The following BBS9 variants were observed in gnomAD, a reference collection of about 807,000 sequenced individuals.
BBS9 encodes protein PTHB1.
Under a neutral mutation model 117.7 loss-of-function variants are expected in BBS9, and 89 were observed. The ratio of observed to expected loss-of-function variants is 0.76; its 90% confidence interval spans 0.64 to 0.90. BBS9 has a LOEUF of 0.90. Among genes scored for constraint, BBS9 ranks in the 40% least tolerant of loss-of-function variants. BBS9 has a pLI of 0.00. For synonymous variants in BBS9, 379 were observed against 370.9 expected, an observed-to-expected ratio of 1.02 and a Z score of -0.25; for missense variants, 982 against 1,042.2, an observed-to-expected ratio of 0.94 and a Z score of 0.80.
chr7:33,367,381 C>CT (rs1184426606), intron 16 of BBS9, among the ~76,000 whole-genome samples: 16 of 152,084 alleles, frequency 1.1e-4, no homozygotes, highest in Non-Finnish European at 1.9e-4. Flanking sequence ...CTTTGATACT[C>CT]TAATATTTTT....
At chr7:33,577,382 C>T (rs1444243386) in intron 21 of BBS9, among the ~76,000 whole-genome samples, 4 of 152,044 alleles carry the variant, frequency 2.6e-5, no homozygotes, top group Admixed American at 1.3e-4. Flanking sequence ...GAATGGCGAT[C>T]GTTAAAAAGT....
chr7:33,632,234 T>C (rs925368161), intron 21 of BBS9, among the ~76,000 whole-genome samples: 3 of 152,198 alleles, frequency 2.0e-5, no homozygotes, highest in Non-Finnish European at 4.4e-5. Context: ...TGGACAATCA[T>C]AAACCCTTTT....
chr7:33,596,737 G>A (rs1203817337), intron 21 of BBS9, among the ~76,000 whole-genome samples: 1 of 152,050 alleles, frequency 6.6e-6, no homozygotes, highest in African/African-American at 2.4e-5. Context: ...CACCTCTAAT[G>A]TCTTGTGTAG....
chr7:33,414,508 C>G (rs953668842), intron 19 of BBS9, among the ~76,000 whole-genome samples: 6 of 152,110 alleles, frequency 3.9e-5, no homozygotes, highest in African/African-American at 1.2e-4. Flanking sequence ...TCTCCTGTCT[C>G]TTTGTGTGTA....
chr7:33,294,383 A>C (rs940217080), intron 9 of BBS9, among the ~76,000 whole-genome samples: 1 of 151,488 alleles, frequency 6.6e-6, no homozygotes, highest in African/African-American at 2.4e-5. Context: ...CCATCCATCC[A>C]TCCATCCATC....
At chr7:33,419,084 C>A (rs1447815923) in intron 19 of BBS9, among the ~76,000 whole-genome samples, 1 of 149,590 alleles carries the variant, frequency 6.7e-6, no homozygotes, top group African/African-American at 2.5e-5. Flanking sequence ...TTTTTTTTTT[C>A]ATGTGAATTG....
At chr7:33,353,526 G>T (rs1362690497) in intron 15 of BBS9, among the ~76,000 whole-genome samples, 1 of 151,968 alleles carries the variant, frequency 6.6e-6, no homozygotes, top group Non-Finnish European at 1.5e-5. Context: ...TTGAGGGCAG[G>T]GGTCAAGCAC....
chr7:33,595,463 T>A (rs1352662600), intron 21 of BBS9, among the ~76,000 whole-genome samples: 4 of 152,110 alleles, frequency 2.6e-5, no homozygotes, highest in Non-Finnish European at 4.4e-5. Flanking sequence ...ATTAGAGGAA[T>A]GCAAATCAAA....
At chr7:33,351,194 T>C (rs745755186) in intron 13 of BBS9, 25 bp from the exon 14 acceptor site, 1 of 1,480,682 alleles carries the variant, frequency 6.8e-7, no homozygotes, top group Non-Finnish European at 9.4e-7. Context: ...TTATGTAATT[T>C]ATATTATTTT....
At chr7:33,217,589 A>G (rs1789325977) in intron 5 of BBS9, among the ~76,000 whole-genome samples, 1 of 152,266 alleles carries the variant, frequency 6.6e-6, no homozygotes, top group African/African-American at 2.4e-5. Flanking sequence ...ATATTTTGAT[A>G]CAGAATAATG....
intron 21 of BBS9, among the ~76,000 whole-genome samples, chr7:33,590,881 A>C (rs1861803479): frequency 6.6e-6 from 1 of 152,054 alleles, no homozygotes; most frequent in Non-Finnish European, 1.5e-5. Flanking sequence ...ACTAATAATC[A>C]TGGAGCTGGG....
In BBS9 at chr7:33,303,840, G is replaced by C. The variant is rs550636730; in HGVS notation, c.1016+29884G>C. On this transcript the variant is annotated intron_variant, in intron 9 of 22. Transcript: ENST00000242067. Reference sequence around the variant, plus strand: ...GTGGCCCAGGCTGGAGTGCAGTGGCGTGATCTCGGCTCGCTACAAGGTCCA... The same window carrying C: ...GTGGCCCAGGCTGGAGTGCAGTGGCCTGATCTCGGCTCGCTACAAGGTCCA... Among the ~76,000 whole-genome samples, 7 of 152,218 alleles carry C rather than the reference G, an allele frequency of 4.6e-5. No individual in the cohort carries two copies. In the East Asian group the frequency reaches 1.4e-3, roughly 30 times the overall value.
intron 12 of BBS9, among the ~76,000 whole-genome samples, chr7:33,347,299 T>C (rs1157786012): frequency 1.3e-5 from 2 of 152,058 alleles, no homozygotes; most frequent in African/African-American, 4.8e-5. Context: ...TACAGACTAG[T>C]ATTATATTAT....
At chr7:33,465,810 A>T (rs536720034) in intron 19 of BBS9, among the ~76,000 whole-genome samples, 1 of 152,260 alleles carries the variant, frequency 6.6e-6, no homozygotes, top group South Asian at 2.1e-4. Context: ...TGCTATCACT[A>T]TATATTATTA....
rs569707726 is a variant in BBS9, at chr7:33,564,374, G to C, written c.2521+30198G>C. ...TTCAGGGGCATTATATATGGAGACA[G>C]GCTGACCTGGATTTGTATTCTAGCC... On this transcript the variant is annotated intron_variant, in intron 21 of 22. Coordinates refer to ENST00000242067, the MANE Select transcript of BBS9 (RefSeq NM_198428.3). 2.6e-5 allele frequency among the ~76,000 whole-genome samples: 4 copies of C among 152,266 alleles called. No individual in the cohort carries two copies. The East Asian group carries it at 5.8e-4, about 22-fold the overall frequency.
chr7:33,495,909 A>G (rs1020123625), intron 19 of BBS9, among the ~76,000 whole-genome samples: 1 of 152,158 alleles, frequency 6.6e-6, no homozygotes, highest in Non-Finnish European at 1.5e-5. Flanking sequence ...TCATACTTAT[A>G]TATATTATAA....
At chr7:33,393,396 G>A (rs979688255) in intron 19 of BBS9, among the ~76,000 whole-genome samples, 53 of 152,198 alleles carry the variant, frequency 3.5e-4, no homozygotes, top group Admixed American at 3.4e-3. Flanking sequence ...GTCACACAGA[G>A]CCCTGTTTTT....
rs1302006741 is a variant in BBS9 at position 33,130,049 on chromosome 7, G to T, written c.-12+8G>T. 6.6e-6 allele frequency: 1 copy of T among 152,154 alleles called. No homozygotes were observed. Among genetic ancestry groups the T allele is most frequent in the East Asian group, 1.9e-4 (1 of 5,196 alleles). The allele number at this position is 152,154 out of a possible 1,614,324, so 9.4% of individuals were successfully genotyped here. On this transcript the variant is annotated splice_region_variant and intron_variant, in intron 1 of 22. Coordinates refer to ENST00000242067, the MANE Select transcript of BBS9 (RefSeq NM_198428.3). Reference sequence around the variant, plus strand: ...CATCTGACGTGGCATCAGGTAAGATGGTATGTCTGTTGTTAAACTTCGGGT... The same window carrying T: ...CATCTGACGTGGCATCAGGTAAGATTGTATGTCTGTTGTTAAACTTCGGGT...
intron 19 of BBS9, among the ~76,000 whole-genome samples, chr7:33,459,613 A>G (rs1839158626): frequency 6.6e-6 from 1 of 152,138 alleles, no homozygotes. Flanking sequence ...TTTGCACTGA[A>G]AATGAGTTTT....
Sources: gnomAD v4.1 joint callset for allele counts (sites outside exome capture counted in the v4.1 genomes callset) on GRCh38, gnomAD v4.1.1 for gene constraint, MANE v1.5 for transcripts, NCBI Gene and HGNC (gene_info 2026-07-23, HGNC 2026-07-21) for gene names.